The following RPUSD4 variants were observed in gnomAD, a reference collection of about 807,000 sequenced individuals.
RPUSD4 encodes the protein RNA pseudouridine synthase D4.
Under a neutral mutation model 35.4 loss-of-function variants are expected in RPUSD4, and 37 were observed. The ratio of observed to expected loss-of-function variants is 1.04; its 90% confidence interval spans 0.80 to 1.37. RPUSD4 has a LOEUF of 1.37. Ranked by LOEUF, RPUSD4 falls within the 40% of genes most tolerant of loss-of-function variation. RPUSD4 has a pLI of 0.00. For synonymous variants in RPUSD4, 210 were observed against 192.7 expected, an observed-to-expected ratio of 1.09 and a Z score of -0.74; for missense variants, 507 against 484.9, an observed-to-expected ratio of 1.05 and a Z score of -0.43.
At position 126,205,604 on chromosome 11, in the gene RPUSD4, C is replaced by A. The variant is rs918915169; in HGVS notation, c.660G>T (p.Leu220Phe). 3 of 1,614,254 alleles carry A rather than the reference C, an allele frequency of 1.9e-6. No individual in the cohort carries two copies. Among genetic ancestry groups the A allele is most frequent in the Middle Eastern group, 1.7e-4 (1 of 6,060 alleles). ...CATCGTCCATGCGGTAGCTCGGGGACAATGTCATCTGAAGCCAAAGAAATC... is the reference window on the plus strand; with the variant it reads ...CATCGTCCATGCGGTAGCTCGGGGAAAATGTCATCTGAAGCCAAAGAAATC... ...QGQQQHHKMTLSPSYRMDDGK... is the reference protein window; with the variant it reads ...QGQQQHHKMTFSPSYRMDDGK... The change falls in exon 5 of 7, where the codon TTG (leucine) becomes TTT (phenylalanine). Residue 220 changes from leucine to phenylalanine, a missense_variant. By Grantham distance (22) the Leu-to-Phe change is conservative. Transcript: ENST00000298317.
At chr11:126,205,634 T>C (rs375864519) in intron 4 of RPUSD4, 22 bp from the exon 5 acceptor site, 29 of 1,613,822 alleles carry the variant, frequency 1.8e-5, no homozygotes, top group Non-Finnish European at 2.5e-5. Context: ...GAAATCAAGA[T>C]ATGATTCCCA....
chr11:126,205,012 T>C (rs977069534), intron 5 of RPUSD4, among the ~76,000 whole-genome samples: 1 of 152,244 alleles, frequency 6.6e-6, no homozygotes, highest in African/African-American at 2.4e-5. Flanking sequence ...ATCCATATTG[T>C]AGCATGTGTC....
chr11:126,204,066 C>T (rs1949742510), intron 6 of RPUSD4, among the ~76,000 whole-genome samples, 165 bp downstream of exon 6: 1 of 152,184 alleles, frequency 6.6e-6, no homozygotes, highest in Admixed American at 6.5e-5. Context: ...TCCACAAGGA[C>T]AGTAACCAAC....
chr11:126,208,199 A>G (rs984016068), intron 3 of RPUSD4, among the ~76,000 whole-genome samples: 1 of 152,176 alleles, frequency 6.6e-6, no homozygotes, highest in African/African-American at 2.4e-5. Context: ...CAGCGATTCA[A>G]TTTTTAGAAA....
chr11:126,204,086 A>G, intron 6 of RPUSD4, 145 bp downstream of exon 6: 2 of 713,280 alleles, frequency 2.8e-6, no homozygotes, highest in Non-Finnish European at 4.9e-6. Flanking sequence ...CTGCTCCTAA[A>G]TTTCTCTAAA....
chr11:126,203,216 A>C lies in RPUSD4; in HGVS notation c.*202T>G, dbSNP rs1353553851. 3 of 675,880 alleles carry C rather than the reference A, an allele frequency of 4.4e-6. No individual in the cohort carries two copies. The highest frequency in any genetic ancestry group is 7.3e-6 in the Non-Finnish European group (3 of 413,226). 41.9% of individuals were successfully genotyped at this position (675,880 alleles called of 1,614,324 possible). ...GTGCAGCCAAACTATCAGTAAATAG[A>C]CTTTGTTCTCCATTAAAAGCCCTGT... On this transcript the variant is annotated 3_prime_UTR_variant, in exon 7 of 7. Transcript: ENST00000298317.
intron 3 of RPUSD4, among the ~76,000 whole-genome samples, chr11:126,207,454 G>C (rs568051076): frequency 6.6e-6 from 1 of 152,252 alleles, no homozygotes; most frequent in South Asian, 2.1e-4. Flanking sequence ...TTTTTAAAGG[G>C]CTCCTCAGAT....
At chr11:126,207,909 G>A (rs1390365513) in intron 3 of RPUSD4, among the ~76,000 whole-genome samples, 1 of 151,000 alleles carries the variant, frequency 6.6e-6, no homozygotes, top group African/African-American at 2.4e-5. Context: ...TAGAAAAATA[G>A]GCAAAAGAAA....
rs1372401023 is a variant in RPUSD4, at chr11:126,211,588, G to C, written c.51C>G (p.Gly17=). 6.2e-7 allele frequency: 1 copy of C among 1,614,146 alleles called. No individual in the cohort carries two copies. Among genetic ancestry groups the C allele is most frequent in the South Asian group, 1.1e-5 (1 of 91,086 alleles). ...SASGPWIRGN[G]QGCGSLFTLV... Reference sequence around the variant, plus strand: ...GAGTGAAGAGACTCCCGCAACCTTGGCCGTTTCCCCGGATCCAGGGGCCCG... The same window carrying C: ...GAGTGAAGAGACTCCCGCAACCTTGCCCGTTTCCCCGGATCCAGGGGCCCG... Residue 17 remains glycine, a synonymous_variant, in exon 1 of 7, where the codon GGC becomes GGG. Coordinates refer to ENST00000298317, the MANE Select transcript of RPUSD4 (RefSeq NM_032795.3).
At chr11:126,210,746 T>TCGCCG in intron 2 of RPUSD4, 144 bp downstream of exon 2, 7 of 722,314 alleles carry the variant, frequency 9.7e-6, no homozygotes, top group Admixed American at 3.0e-5. Context: ...TTCTCGGTGG[T>TCGCCG]TCCTTATATT....
At chr11:126,209,212 G>A (rs113345675) in intron 3 of RPUSD4, 15 of 254,972 alleles carry the variant, frequency 5.9e-5, no homozygotes, top group African/African-American at 2.9e-4. Context: ...GCTGTTCTCC[G>A]ACTCTTGGCC....
intron 3 of RPUSD4, among the ~76,000 whole-genome samples, chr11:126,207,990 C>CA (rs1354791685): frequency 1.3e-5 from 2 of 151,946 alleles, no homozygotes; most frequent in East Asian, 3.9e-4. Context: ...AATTGATAGC[C>CA]AATATCACTG....
chr11:126,210,901 A>G lies in RPUSD4; in HGVS notation c.344T>C (p.Leu115Pro). 1 of 1,613,844 alleles carries G rather than the reference A, an allele frequency of 6.2e-7. No individual in the cohort carries two copies. The highest frequency in any genetic ancestry group is 2.2e-5 in the East Asian group (1 of 44,846). The change falls in exon 2 of 7, where the codon CTC (leucine) becomes CCC (proline). Residue 115 changes from leucine to proline, a missense_variant. By Grantham distance (98) the Leu-to-Pro change is moderately conservative (BLOSUM62 -3). Coordinates refer to ENST00000298317, the MANE Select transcript of RPUSD4 (RefSeq NM_032795.3). ...CGCGTGGTCCTTACCATGCACAGGG[A>G]GACCGTAGGGCTTATTGATGACCAC... ...NLVVINKPYG[L>P]PVHGGPGVQL... is the part of the protein sequence containing the mutation.
intron 5 of RPUSD4, 114 bp from the exon 6 acceptor site, chr11:126,204,442 G>A (rs889654986): frequency 4.4e-6 from 3 of 675,824 alleles, no homozygotes; most frequent in Non-Finnish European, 7.5e-6. Flanking sequence ...AACTGGCCAA[G>A]TCCCAACTAT....
intron 6 of RPUSD4, among the ~76,000 whole-genome samples, chr11:126,203,983 T>C (rs1949741954): frequency 6.6e-6 from 1 of 152,136 alleles, no homozygotes; most frequent in Non-Finnish European, 1.5e-5. Flanking sequence ...ACCCCTCCCC[T>C]TGTCCACAGC....
In RPUSD4 at chr11:126,203,429, CCAGA is replaced by C; in HGVS notation, c.1119_1122del (p.Cys373TrpfsTer33). 2 of 1,613,166 alleles carry C rather than the reference CCAGA, an allele frequency of 1.2e-6. No individual in the cohort carries two copies. Among genetic ancestry groups the C allele is most frequent in the Non-Finnish European group, 1.7e-6 (2 of 1,180,006 alleles). ...TGCTCCCATGGTCTTCACTGTGCTC[CCAGA>C]CACTTGGCTTCATTGTTCTCATTTT... On this transcript the variant is annotated frameshift_variant, in exon 7 of 7. Coordinates refer to ENST00000298317, the MANE Select transcript of RPUSD4 (RefSeq NM_032795.3). LOFTEE classifies it high-confidence loss of function.
rs1401974486 is a variant in RPUSD4, at chr11:126,202,515, T to A, written c.*903A>T. 6.6e-6 allele frequency: 1 copy of A among 152,208 alleles called. No individual in the cohort carries two copies. The highest frequency in any genetic ancestry group is 1.5e-5 in the Non-Finnish European group (1 of 68,048). 9.4% of individuals were successfully genotyped at this position (152,208 alleles called of 1,614,324 possible). ...GGATACATACTACACGCAGCGAAAA[T>A]GCCAACCACTGATCCAGAATTTTCA... On this transcript the variant is annotated 3_prime_UTR_variant, in exon 7 of 7. Coordinates refer to ENST00000298317, the MANE Select transcript of RPUSD4 (RefSeq NM_032795.3).
intron 5 of RPUSD4, 96 bp from the exon 6 acceptor site, chr11:126,204,424 G>C: frequency 2.3e-6 from 2 of 872,722 alleles, no homozygotes; most frequent in Non-Finnish European, 3.6e-6. Context: ...TTACATCAAA[G>C]TGCAGTAAAC....
At chr11:126,203,696 A>T in intron 6 of RPUSD4, 39 bp from the exon 7 acceptor site, 1 of 1,590,154 alleles carries the variant, frequency 6.3e-7, no homozygotes, top group South Asian at 1.1e-5. Flanking sequence ...AGCAAGGCCA[A>T]CAGTCCACCC....
Sources: allele counts gnomAD v4.1 joint callset (sites outside exome capture counted in the v4.1 genomes callset), GRCh38; gene constraint gnomAD v4.1.1; transcripts MANE v1.5; gene names NCBI Gene and HGNC (gene_info 2026-07-23, HGNC 2026-07-21).